The following SNTG1 variants were observed in gnomAD, a reference collection of about 807,000 sequenced individuals.
SNTG1 encodes the protein gamma-1-syntrophin.
SNTG1 carries 39 observed loss-of-function variants against 74.7 expected under a neutral mutation model. That is an observed-to-expected ratio of 0.52 (90% CI 0.40 to 0.68). SNTG1 has a LOEUF of 0.68. Ranked by LOEUF, SNTG1 falls within the 30% of genes least tolerant of loss-of-function variation. The pLI, the probability that SNTG1 is intolerant of heterozygous loss-of-function variation, is 0.00. For synonymous variants in SNTG1, 254 were observed against 217.1 expected (o/e 1.17, Z -1.49); for missense variants, 685 against 609.5 (o/e 1.12, Z -1.30).
chr8:50,708,729 C>T, intron 16 of SNTG1, 157 bp from the exon 17 acceptor site: 1 of 577,142 alleles, frequency 1.7e-6, no homozygotes, highest in Non-Finnish European at 3.0e-6. Context: ...GTTTCATTAA[C>T]ATTAAAATGT....
intron 13 of SNTG1, among the ~76,000 whole-genome samples, 154 bp from the exon 14 acceptor site, chr8:50,656,755 T>A (rs2095184265): frequency 1.3e-5 from 2 of 152,184 alleles, no homozygotes; most frequent in African/African-American, 4.8e-5. Flanking sequence ...TAATGTACTT[T>A]TTTGCATCAA....
At chr8:50,367,653 C>A (rs1007544953) in intron 2 of SNTG1, among the ~76,000 whole-genome samples, 1 of 152,008 alleles carries the variant, frequency 6.6e-6, no homozygotes, top group African/African-American at 2.4e-5. Context: ...AAAGTATAAA[C>A]TCATTCAATC....
At chr8:50,784,388 T>A (rs2095668708) in intron 18 of SNTG1, among the ~76,000 whole-genome samples, 1 of 152,084 alleles carries the variant, frequency 6.6e-6, no homozygotes, top group African/African-American at 2.4e-5. Context: ...AGAACCCGAA[T>A]AACTATAGTA....
intron 4 of SNTG1, among the ~76,000 whole-genome samples, chr8:50,420,715 AT>A (rs1037815492): frequency 4.9e-4 from 74 of 152,208 alleles, no homozygotes; most frequent in African/African-American, 1.7e-3. Flanking sequence ...TAGAGAAAAT[AT>A]TTGTAACAAC....
At chr8:50,006,251 G>T (rs58638825) in intron 1 of SNTG1, among the ~76,000 whole-genome samples, 2 of 152,012 alleles carry the variant, frequency 1.3e-5, no homozygotes, top group Non-Finnish European at 2.9e-5. Context: ...GTGAGCCACC[G>T]TGCCCGGCCT....
chr8:50,015,894 G>A (rs1280442393), intron 1 of SNTG1, among the ~76,000 whole-genome samples: 6 of 152,106 alleles, frequency 3.9e-5, no homozygotes. Context: ...GAATATGGCA[G>A]ATGAAGCAAA....
intron 2 of SNTG1, among the ~76,000 whole-genome samples, chr8:50,343,825 G>A (rs2091392072): frequency 1.3e-5 from 2 of 152,160 alleles, no homozygotes; most frequent in African/African-American, 4.8e-5. Context: ...CAGAAAAAAT[G>A]AGATGCACAT....
intron 12 of SNTG1, among the ~76,000 whole-genome samples, chr8:50,580,772 C>A (rs543226545): frequency 6.6e-6 from 1 of 152,212 alleles, no homozygotes; most frequent in African/African-American, 2.4e-5. Flanking sequence ...AATGAAACCA[C>A]TTTTCATTAT....
chr8:50,297,206 C>A (rs1319550180), intron 2 of SNTG1, among the ~76,000 whole-genome samples: 1 of 152,158 alleles, frequency 6.6e-6, no homozygotes, highest in African/African-American at 2.4e-5. Flanking sequence ...GTTTTACAAA[C>A]CCTAGTGGAT....
chr8:50,033,147 C>T (rs1182262387), intron 1 of SNTG1, among the ~76,000 whole-genome samples: 2 of 150,316 alleles, frequency 1.3e-5, no homozygotes, highest in East Asian at 3.9e-4. Flanking sequence ...CGGAGTTTCG[C>T]TCTTGTTGCC....
At chr8:50,187,748 A>T (rs149732095) in intron 2 of SNTG1, among the ~76,000 whole-genome samples, 1 of 152,210 alleles carries the variant, frequency 6.6e-6, no homozygotes, top group Admixed American at 6.6e-5. Context: ...AGGGCATTTT[A>T]TTAGTTCATG....
At chr8:50,134,102 A>T (rs993520506) in intron 1 of SNTG1, among the ~76,000 whole-genome samples, 3 of 152,184 alleles carry the variant, frequency 2.0e-5, no homozygotes, top group Non-Finnish European at 4.4e-5. Flanking sequence ...ATAATATGCC[A>T]TTCATGGAAC....
chr8:50,065,131 T>C (rs1299963102), intron 1 of SNTG1, among the ~76,000 whole-genome samples: 22 of 152,340 alleles, frequency 1.4e-4, no homozygotes, highest in African/African-American at 5.3e-4. Flanking sequence ...TTAAAATAGT[T>C]ATTCAAATAT....
At chr8:49,999,886 T>A (rs1814588372) in intron 1 of SNTG1, among the ~76,000 whole-genome samples, 1 of 152,222 alleles carries the variant, frequency 6.6e-6, no homozygotes, top group East Asian at 1.9e-4. Context: ...GAACCTCTTT[T>A]TAGGAACTTG....
Position 50,120,672 on chromosome 8 carries a change from A to C in SNTG1, c.-102-51889A>C, listed in dbSNP as rs1357907772. 1.4e-5 allele frequency among the ~76,000 whole-genome samples: 2 copies of C among 142,210 alleles called. 1 individual carries two copies. The highest frequency in any genetic ancestry group is 3.1e-5 in the Non-Finnish European group (2 of 63,856). The allele number at this position is 142,210 out of a possible 152,430, so 93.3% of individuals were successfully genotyped here. A position where few individuals can be genotyped will look rare whatever the true frequency, so the allele number is the denominator to read the frequency against. On this transcript the variant is annotated intron_variant, in intron 1 of 18. Coordinates refer to ENST00000642720, the MANE Select transcript of SNTG1 (RefSeq NM_018967.5). ...CCTCACCACCACTATTACCGCTGTT[A>C]TCACCACCAACGCTACTAATAGTAT...
At chr8:50,268,054 G>A (rs747045860) in intron 2 of SNTG1, among the ~76,000 whole-genome samples, 3 of 152,140 alleles carry the variant, frequency 2.0e-5, no homozygotes, top group South Asian at 2.1e-4. Context: ...CACTATATGA[G>A]TTTAGCAAGG....
chr8:49,924,950 G>A (rs1806882412), intron 1 of SNTG1, among the ~76,000 whole-genome samples: 1 of 151,904 alleles, frequency 6.6e-6, no homozygotes, highest in Non-Finnish European at 1.5e-5. Context: ...AGGAGTTCGA[G>A]ATCAGCCTGG....
At chr8:50,484,137 C>CTTTCTTTCTTTCTTTCTTTCT (rs1563453444) in intron 8 of SNTG1, among the ~76,000 whole-genome samples, 1 of 55,906 alleles carries the variant, frequency 1.8e-5, no homozygotes, top group Non-Finnish European at 4.2e-5. Flanking sequence ...TCTTTCTTTC[C>CTTTCTTTCTTTCTTTCTTTCT]TTCTTTCTTT....
chr8:49,986,102 C>T (rs1813127023), intron 1 of SNTG1, among the ~76,000 whole-genome samples: 2 of 152,104 alleles, frequency 1.3e-5, no homozygotes, highest in Admixed American at 1.3e-4. Flanking sequence ...ATCCTAAAAA[C>T]TTTCAAAGCA....
Sources: gnomAD v4.1 joint callset for allele counts (sites outside exome capture counted in the v4.1 genomes callset) on GRCh38, gnomAD v4.1.1 for gene constraint, MANE v1.5 for transcripts, NCBI Gene and HGNC (gene_info 2026-07-23, HGNC 2026-07-21) for gene names.